Variants in PARVA observed in about 807,000 individuals in gnomAD.
PARVA encodes the protein parvin alpha.
A neutral mutation model predicts 52.6 loss-of-function variants in PARVA; 25 were observed. The observed-to-expected ratio is 0.48, with a 90% CI of 0.35 to 0.66. PARVA has a LOEUF of 0.66. Ranked by LOEUF, PARVA falls within the 30% of genes least tolerant of loss-of-function variation. PARVA has a pLI of 0.01. For synonymous variants in PARVA, 185 were observed against 179.1 expected (o/e 1.03, Z -0.26); for missense variants, 373 against 450.9 (o/e 0.83, Z 1.56).
chr11:12,393,348 A>C (rs1017031696), intron 1 of PARVA, among the ~76,000 whole-genome samples: 3 of 152,312 alleles, frequency 2.0e-5, no homozygotes, highest in East Asian at 3.9e-4. Flanking sequence ...AGGCACAGAG[A>C]GACCAGGTAA....
At chr11:12,498,571 C>CTT (rs138332169) in intron 5 of PARVA, among the ~76,000 whole-genome samples, 8 of 84,130 alleles carry the variant, frequency 9.5e-5, no homozygotes, top group Admixed American at 2.8e-4. Flanking sequence ...GTCATATACA[C>CTT]TTTTTTTTTT....
intron 4 of PARVA, among the ~76,000 whole-genome samples, chr11:12,488,142 A>G (rs1941186273): frequency 6.6e-6 from 1 of 152,210 alleles, no homozygotes; most frequent in African/African-American, 2.4e-5. Context: ...ACCTAACTGA[A>G]CATATTAAAT....
chr11:12,418,323 C>T (rs1177221790), intron 1 of PARVA, among the ~76,000 whole-genome samples: 2 of 152,146 alleles, frequency 1.3e-5, no homozygotes, highest in East Asian at 1.9e-4. Flanking sequence ...CAGCAGGCCC[C>T]GCCCACAGGC....
chr11:12,504,774 GGT>G (rs58878351), intron 6 of PARVA, among the ~76,000 whole-genome samples: 2 of 149,346 alleles, frequency 1.3e-5, no homozygotes, highest in South Asian at 2.1e-4. Context: ...AAGGTATGTG[GGT>G]GTGTGTGTGT....
At chr11:12,494,269 C>A (rs184088538) in intron 4 of PARVA, among the ~76,000 whole-genome samples, 1 of 152,184 alleles carries the variant, frequency 6.6e-6, no homozygotes, top group Admixed American at 6.5e-5. Flanking sequence ...GTAGGCATAA[C>A]TGATTAAATC....
chr11:12,504,464 TAA>T (rs1564864926), intron 6 of PARVA, 35 bp downstream of exon 6: 1 of 1,365,212 alleles, frequency 7.3e-7, no homozygotes, highest in East Asian at 2.3e-5. Context: ...TCTGTGTCTT[TAA>T]AGAGTCGTGG....
chr11:12,517,303 A>ACCCCCCC (rs1564869136), intron 10 of PARVA, among the ~76,000 whole-genome samples: 16 of 112,552 alleles, frequency 1.4e-4, no homozygotes, highest in South Asian at 3.7e-4. Flanking sequence ...AGCCACACTG[A>ACCCCCCC]CCACCCCCCA....
At chr11:12,463,431 C>T (rs975302714) in intron 1 of PARVA, among the ~76,000 whole-genome samples, 12 of 151,992 alleles carry the variant, frequency 7.9e-5, no homozygotes, top group Non-Finnish European at 1.6e-4. Flanking sequence ...TTTTAGGATG[C>T]CCTCCTGTTA....
At chr11:12,449,437 G>A (rs569640269) in intron 1 of PARVA, among the ~76,000 whole-genome samples, 52 of 152,296 alleles carry the variant, frequency 3.4e-4, no homozygotes, top group African/African-American at 1.2e-3. Context: ...GATTACATGT[G>A]TGTGAGCCAC....
chr11:12,460,841 C>G (rs574946275), intron 1 of PARVA, among the ~76,000 whole-genome samples: 3 of 152,252 alleles, frequency 2.0e-5, no homozygotes, highest in East Asian at 1.9e-4. Flanking sequence ...TGCATGAAGA[C>G]GAAGGCCAGT....
Position 12,513,364 on chromosome 11 carries a change from G to A in PARVA, c.798+4G>A. The stretch of plus-strand genomic sequence containing the variant: ...CAAGCTGAATGTGGTGAAAAAGGTG[G>A]GAAAGGGGTGCCTGGGATGGACAGA... On this transcript the variant is annotated splice_donor_region_variant and intron_variant, in intron 9 of 12. Transcript: ENST00000334956. The A allele has an allele frequency of 1.2e-6, 2 of 1,613,236 alleles. No individual in the cohort carries two copies. The highest frequency in any genetic ancestry group is 1.7e-6 in the Non-Finnish European group (2 of 1,179,158).
At chr11:12,474,039 A>C in intron 3 of PARVA, 56 bp downstream of exon 3, 1 of 1,355,454 alleles carries the variant, frequency 7.4e-7, no homozygotes, top group Non-Finnish European at 1.0e-6. Context: ...ATGTGTCCAT[A>C]TGCCACCTGC....
chr11:12,376,610 C>T (rs111556270), upstream of PARVA: 3,232 of 285,318 alleles, frequency 0.011, 25 homozygotes, highest in Non-Finnish European at 0.015. Flanking sequence ...TAGGTGTTCA[C>T]CCAGGTTCAA....
chr11:12,382,425 A>C (rs78553163), intron 1 of PARVA, among the ~76,000 whole-genome samples: 2,379 of 150,850 alleles, frequency 0.016, 55 homozygotes, highest in African/African-American at 0.054. Context: ...GGTTCATCTC[A>C]AGGTTTTTCT....
intron 4 of PARVA, among the ~76,000 whole-genome samples, chr11:12,482,013 C>CA (rs552286491): frequency 8.2e-4 from 124 of 150,828 alleles, no homozygotes; most frequent in African/African-American, 2.9e-3. Flanking sequence ...CTTCTAAATA[C>CA]AAAAAATTAG....
intron 1 of PARVA, among the ~76,000 whole-genome samples, chr11:12,390,797 A>G (rs1939648166): frequency 6.6e-6 from 1 of 152,196 alleles, no homozygotes; most frequent in South Asian, 2.1e-4. Flanking sequence ...TGCAGATGAC[A>G]GGTAATTAAT....
chr11:12,506,152 C>CCT (rs1451682636), intron 6 of PARVA, among the ~76,000 whole-genome samples: 1 of 152,110 alleles, frequency 6.6e-6, no homozygotes, highest in Admixed American at 6.5e-5. Flanking sequence ...TTGCTGTGAA[C>CCT]CTCAGACTGC....
intron 1 of PARVA, among the ~76,000 whole-genome samples, chr11:12,401,152 T>C (rs1375331008): frequency 1.3e-5 from 2 of 152,210 alleles, no homozygotes; most frequent in African/African-American, 4.8e-5. Flanking sequence ...CCTTAGGTCC[T>C]TTCCCTGGGC....
In PARVA at chr11:12,500,830, G is replaced by C. The variant is rs180844261; in HGVS notation, c.542-3484G>C. On this transcript the variant is annotated intron_variant, in intron 5 of 12. Transcript: ENST00000334956. ...AAGGGGGAAAAAAAACCTATCTGGC[G>C]GGGCACGGTGGCCCACACCTGTAAT... 2.2e-5 allele frequency among the ~76,000 whole-genome samples: 3 copies of C among 137,184 alleles called. No individual in the cohort carries two copies. The East Asian group carries it at 6.7e-4, about 31-fold the overall frequency. The allele number at this position is 137,184 out of a possible 152,430, so 90.0% of individuals were successfully genotyped here.
Sources: gnomAD v4.1 joint callset for allele counts (sites outside exome capture counted in the v4.1 genomes callset) on GRCh38, gnomAD v4.1.1 for gene constraint, MANE v1.5 for transcripts, NCBI Gene and HGNC (gene_info 2026-07-23, HGNC 2026-07-21) for gene names.